AGAP1: variants seen among roughly 807,000 people sequenced by gnomAD.
AGAP1 encodes arf-GAP with GTPase, ANK repeat and PH domain-containing protein 1.
Under a neutral mutation model 105.3 loss-of-function variants are expected in AGAP1, and 29 were observed. The ratio of observed to expected loss-of-function variants is 0.28; its 90% CI spans 0.21 to 0.38. The LOEUF is 0.38. Among genes scored for constraint, AGAP1 ranks in the 10% least tolerant of loss-of-function variants. The probability of loss-of-function intolerance (pLI) is 1.00; values close to 1 mark genes in which losing one functional copy is unlikely to be tolerated. For missense variants in AGAP1, 998 were observed against 1,165.1 expected (o/e 0.86, Z 2.09); for synonymous variants, 509 against 485.9 (o/e 1.05, Z -0.63).
At chr2:235,940,585 ACT>A (rs371744218) in intron 12 of AGAP1, among the ~76,000 whole-genome samples, 197 of 151,766 alleles carry the variant, frequency 1.3e-3, no homozygotes, top group African/African-American at 4.6e-3. Context: ...GCAGACAGCC[ACT>A]CTCCATCCCA....
chr2:235,913,201 C>T (rs147792598), intron 11 of AGAP1, among the ~76,000 whole-genome samples: 3,492 of 152,174 alleles, frequency 0.023, 76 homozygotes, highest in Middle Eastern at 0.031. Flanking sequence ...TCACAGTTTA[C>T]ATATATATAC....
intron 16 of AGAP1, among the ~76,000 whole-genome samples, chr2:236,098,042 T>A (rs1436208724): frequency 1.3e-5 from 2 of 152,228 alleles, no homozygotes; most frequent in African/African-American, 2.4e-5. Context: ...TGAGTACTAT[T>A]CCATCGTGTG....
intron 1 of AGAP1, chr2:235,670,970 C>T: frequency 7.6e-6 from 10 of 1,317,210 alleles, no homozygotes; most frequent in Middle Eastern, 2.9e-4. Flanking sequence ...CGGAGCCTCG[C>T]GGCCACGCGG....
chr2:235,859,185 CG>C (rs568822164), intron 9 of AGAP1, among the ~76,000 whole-genome samples: 14 of 152,090 alleles, frequency 9.2e-5, no homozygotes, highest in Non-Finnish European at 1.5e-4. Context: ...TTCCATTAGC[CG>C]TACTCTGGGC....
rs13412340 is a variant in AGAP1, at chr2:235,958,017, C to T, written c.1484-10445C>T. Among the ~76,000 whole-genome samples the T allele has an allele frequency of 5.4e-3, 826 of 152,342 alleles. 7 individuals are homozygous for T. The highest frequency in any genetic ancestry group is 0.019 in the African/African-American group (779 of 41,578). ...AGCAGGGGCAGGGGGCCGATACATA[C>T]GTGCTTAGCATTTTCCTCTCTCTTT... On this transcript the variant is annotated intron_variant, in intron 12 of 17. Transcript: ENST00000304032. The surrounding 1 kb of genome is among the most constrained non-coding windows in gnomAD (Gnocchi z 4.1).
intron 1 of AGAP1, among the ~76,000 whole-genome samples, chr2:235,573,067 CTTTCTT>C (rs1209168108): frequency 8.6e-6 from 1 of 116,752 alleles, no homozygotes; most frequent in African/African-American, 3.4e-5. Context: ...CTTCTTTCTT[CTTTCTT>C]CTTTCTTCTT....
In AGAP1 at chr2:235,973,307, T is replaced by G. The variant is rs2054729147; in HGVS notation, c.1645+4684T>G. 2.0e-5 allele frequency among the ~76,000 whole-genome samples: 3 copies of G among 152,210 alleles called. No individual in the cohort carries two copies. On this transcript the variant is annotated intron_variant, in intron 13 of 17. Coordinates refer to ENST00000304032, the MANE Select transcript of AGAP1 (RefSeq NM_001037131.3). This position sits in a 1 kb window ranked among gnomAD's most constrained non-coding sequence, Gnocchi z 4.7. The stretch of plus-strand genomic sequence containing the variant: ...TCTTAGGTTTACCATTTAAAATGAA[T>G]CGGAGGAATCTGGAAAGTTACAGAA...
intron 10 of AGAP1, among the ~76,000 whole-genome samples, chr2:235,899,981 T>A (rs552437622): frequency 6.6e-6 from 1 of 152,362 alleles, no homozygotes; most frequent in Admixed American, 6.5e-5. Context: ...GCTTTTTGAT[T>A]TGTAGTAGAA....
chr2:235,704,896 C>T (rs779296605), intron 1 of AGAP1, among the ~76,000 whole-genome samples: 16 of 150,720 alleles, frequency 1.1e-4, no homozygotes, highest in Non-Finnish European at 1.8e-4. Context: ...TCGGCGAGCC[C>T]GGCACCTGTC....
chr2:235,995,153 A>G (rs2055754777), intron 13 of AGAP1, among the ~76,000 whole-genome samples: 1 of 151,416 alleles, frequency 6.6e-6, no homozygotes, highest in South Asian at 2.1e-4. Context: ...GTTATTTGGA[A>G]TATAGCTTAT....
Position 235,753,237 on chromosome 2 carries a change from A to G in AGAP1, c.673+2749A>G, listed in dbSNP as rs149654103. 8.7e-4 allele frequency among the ~76,000 whole-genome samples: 133 copies of G among 152,334 alleles called. 3 individuals are homozygous for G. In the East Asian group the frequency reaches 0.02, roughly 23 times the overall value. On this transcript the variant is annotated intron_variant, in intron 6 of 17. Transcript: ENST00000304032. The surrounding 1 kb of genome is among the most constrained non-coding windows in gnomAD (Gnocchi z 4.5). ...TCAGGTTGGGGGTGGCAAGAGGAGA[A>G]TAAGGACTGATATTTCTAAATATTA...
intron 1 of AGAP1, among the ~76,000 whole-genome samples, chr2:235,575,861 C>T (rs537922883): frequency 5.9e-5 from 9 of 152,308 alleles, no homozygotes; most frequent in Admixed American, 5.9e-4. Flanking sequence ...GGAGGGAAGT[C>T]TGTCTCCATT....
intron 2 of AGAP1, 100 bp downstream of exon 2, chr2:235,709,337 G>C: frequency 7.4e-7 from 1 of 1,349,278 alleles, no homozygotes; most frequent in Non-Finnish European, 1.1e-6. Context: ...CTGGGGCCCA[G>C]AGTGGAAGTG....
At chr2:236,019,642 G>A (rs1203176892) in intron 13 of AGAP1, among the ~76,000 whole-genome samples, 3 of 152,208 alleles carry the variant, frequency 2.0e-5, no homozygotes, top group African/African-American at 7.2e-5. Context: ...GCACCTGGAC[G>A]GGGCTTAGTA....
chr2:235,670,895 C>T (rs923164285), intron 1 of AGAP1: 2 of 1,349,710 alleles, frequency 1.5e-6, no homozygotes, highest in South Asian at 1.9e-5. Context: ...CCGGCTGCTG[C>T]GCTTCTTCAG....
At chr2:235,925,267 CCTT>C (rs1179754000) in intron 11 of AGAP1, among the ~76,000 whole-genome samples, 2 of 152,200 alleles carry the variant, frequency 1.3e-5, no homozygotes, top group Admixed American at 6.5e-5. Context: ...ACAATCTCCT[CCTT>C]CTAGGGAAAT....
intron 1 of AGAP1, among the ~76,000 whole-genome samples, chr2:235,681,205 T>C (rs911442293): frequency 6.6e-6 from 1 of 152,154 alleles, no homozygotes; most frequent in Non-Finnish European, 1.5e-5. Context: ...GAGACGGGGC[T>C]TCACCGTGTT....
chr2:235,607,634 C>T (rs1664134341), intron 1 of AGAP1, among the ~76,000 whole-genome samples: 3 of 152,178 alleles, frequency 2.0e-5, no homozygotes, highest in Admixed American at 2.0e-4. Context: ...CCTGTAAGGC[C>T]CCCTTCGGCT....
Position 235,665,715 on chromosome 2 carries a change from T to A in AGAP1, c.164-43464T>A, listed in dbSNP as rs556946876. Among the ~76,000 whole-genome samples, 1 of 152,298 alleles carries A rather than the reference T, an allele frequency of 6.6e-6. No individual in the cohort carries two copies. The highest frequency in any genetic ancestry group is 2.4e-5 in the African/African-American group (1 of 41,568). On this transcript the variant is annotated intron_variant, in intron 1 of 17. Transcript: ENST00000304032. The surrounding 1 kb of genome is among the most constrained non-coding windows in gnomAD (Gnocchi z 5.3). ...CTTTGATGTACCCACGGAGGGGCTC[T>A]TGGTGGGCTCCCGGGGTGGGCATGC... is the stretch of plus-strand genomic sequence containing the variant.
Sources: allele counts gnomAD v4.1 joint callset (sites outside exome capture counted in the v4.1 genomes callset), GRCh38; gene constraint gnomAD v4.1.1; non-coding constraint Gnocchi (gnomAD v3.1); transcripts MANE v1.5; gene names NCBI Gene and HGNC (gene_info 2026-07-23, HGNC 2026-07-21).